HS3ST4: variants seen among roughly 807,000 people sequenced by gnomAD.
HS3ST4 encodes the protein heparan sulfate glucosamine 3-O-sulfotransferase 4.
HS3ST4 carries 17 observed loss-of-function variants against 29.2 expected under a neutral mutation model. The ratio of observed to expected loss-of-function variants is 0.58; its 90% CI spans 0.40 to 0.87. HS3ST4 has a LOEUF of 0.87. Among genes scored for constraint, HS3ST4 ranks in the 40% least tolerant of loss-of-function variants. The pLI, the probability that HS3ST4 is intolerant of heterozygous loss-of-function variation, is 0.00. For missense variants in HS3ST4, 627 were observed against 634.5 expected (o/e 0.99, Z 0.13); for synonymous variants, 314 against 285.7 (o/e 1.10, Z -1.00).
chr16:25,994,331 AT>A (rs1969140882), intron 1 of HS3ST4, among the ~76,000 whole-genome samples: 1 of 151,816 alleles, frequency 6.6e-6, no homozygotes, highest in African/African-American at 2.4e-5. Context: ...CTTGTTTGGT[AT>A]TTTTAATCCT....
chr16:25,734,422 G>C (rs770660236), intron 1 of HS3ST4, among the ~76,000 whole-genome samples: 1 of 152,136 alleles, frequency 6.6e-6, no homozygotes, highest in African/African-American at 2.4e-5. Flanking sequence ...GAGGCATTGC[G>C]TGAATGTGAG....
chr16:26,051,786 T>C (rs1050871422), intron 1 of HS3ST4, among the ~76,000 whole-genome samples: 1 of 151,218 alleles, frequency 6.6e-6, no homozygotes, highest in Non-Finnish European at 1.5e-5. Flanking sequence ...CTTTCTTTCT[T>C]TCTCTCTTTC....
intron 1 of HS3ST4, among the ~76,000 whole-genome samples, chr16:26,028,001 C>T (rs1050261995): frequency 6.6e-6 from 1 of 151,974 alleles, no homozygotes; most frequent in African/African-American, 2.4e-5. Flanking sequence ...GGGCTGGGAG[C>T]GGGGCTCATG....
At chr16:26,033,578 C>G (rs998097421) in intron 1 of HS3ST4, among the ~76,000 whole-genome samples, 4 of 151,436 alleles carry the variant, frequency 2.6e-5, no homozygotes, top group African/African-American at 9.7e-5. Flanking sequence ...TATATATTAG[C>G]TGGGTGTGAT....
intron 1 of HS3ST4, among the ~76,000 whole-genome samples, chr16:25,907,232 G>T (rs138679618): frequency 0.011 from 1,620 of 152,130 alleles, 17 homozygotes; most frequent in Middle Eastern, 0.02. Context: ...AGATACTTTG[G>T]CAGGTGAGAG....
chr16:25,844,824 G>A (rs1967448132), intron 1 of HS3ST4, among the ~76,000 whole-genome samples: 1 of 152,134 alleles, frequency 6.6e-6, no homozygotes, highest in South Asian at 2.1e-4. Context: ...ATGATAAACT[G>A]GATAAAGAAA....
chr16:25,795,710 T>G (rs1966882688), intron 1 of HS3ST4, among the ~76,000 whole-genome samples: 1 of 152,156 alleles, frequency 6.6e-6, no homozygotes, highest in Admixed American at 6.5e-5. Flanking sequence ...GGTTCGACCT[T>G]TTCTGTGGCA....
intron 1 of HS3ST4, among the ~76,000 whole-genome samples, chr16:25,957,318 A>G (rs1037608198): frequency 2.6e-5 from 4 of 152,248 alleles, no homozygotes; most frequent in African/African-American, 4.8e-5. Context: ...AAATAGTTGC[A>G]TGTGATTCAG....
At chr16:25,931,734 T>A (rs1968466028) in intron 1 of HS3ST4, among the ~76,000 whole-genome samples, 2 of 151,960 alleles carry the variant, frequency 1.3e-5, no homozygotes. Flanking sequence ...AGAAAGGGAG[T>A]CTGTTATTAA....
At chr16:25,726,443 C>CACACACACACAT (rs368109024) in intron 1 of HS3ST4, among the ~76,000 whole-genome samples, 1 of 151,840 alleles carries the variant, frequency 6.6e-6, no homozygotes, top group East Asian at 1.9e-4. Context: ...GGGTATGAAA[C>CACACACACACAT]ACACACACAC....
intron 1 of HS3ST4, among the ~76,000 whole-genome samples, chr16:26,045,705 C>T (rs139686451): frequency 6.6e-5 from 10 of 152,318 alleles, no homozygotes; most frequent in Non-Finnish European, 1.2e-4. Flanking sequence ...TTTAGAACAA[C>T]TATTGTTCAC....
At chr16:26,064,715 T>G (rs1270215531) in intron 1 of HS3ST4, among the ~76,000 whole-genome samples, 2 of 151,226 alleles carry the variant, frequency 1.3e-5, no homozygotes, top group African/African-American at 2.4e-5. Context: ...CTTCCCAGGT[T>G]CAAGTGATTC....
intron 1 of HS3ST4, among the ~76,000 whole-genome samples, chr16:26,000,311 A>G (rs1307833889): frequency 2.0e-5 from 3 of 152,118 alleles, no homozygotes; most frequent in South Asian, 2.1e-4. Flanking sequence ...AGATTTTTCC[A>G]CATTCTCAAA....
intron 1 of HS3ST4, among the ~76,000 whole-genome samples, chr16:26,081,195 A>G (rs4787347): frequency 0.59 from 88,751 of 151,498 alleles, 26,622 homozygotes; most frequent in Middle Eastern, 0.69. Flanking sequence ...GCTGAGGCAG[A>G]AGAATCACTT....
chr16:26,068,416 A>G (rs1439083018), intron 1 of HS3ST4, among the ~76,000 whole-genome samples: 1 of 152,208 alleles, frequency 6.6e-6, no homozygotes, highest in African/African-American at 2.4e-5. Flanking sequence ...AATAAAATAG[A>G]GTAATATTCT....
At chr16:25,997,436 G>A (rs1969167331) in intron 1 of HS3ST4, among the ~76,000 whole-genome samples, 1 of 152,176 alleles carries the variant, frequency 6.6e-6, no homozygotes, top group African/African-American at 2.4e-5. Flanking sequence ...GAACTCAAAT[G>A]AGTTAAAGAG....
intron 1 of HS3ST4, among the ~76,000 whole-genome samples, chr16:25,930,953 T>A (rs975468696): frequency 2.4e-4 from 37 of 152,192 alleles, no homozygotes; most frequent in African/African-American, 8.2e-4. Flanking sequence ...TTTGTGTTTT[T>A]TATAGAGACG....
chr16:25,828,290 T>TTCCC (rs1967250788), intron 1 of HS3ST4, among the ~76,000 whole-genome samples: 9 of 69,506 alleles, frequency 1.3e-4, no homozygotes, highest in East Asian at 3.5e-4. Context: ...CTTTCTTTCT[T>TTCCC]TCTTTCTTTC....
intron 1 of HS3ST4, among the ~76,000 whole-genome samples, chr16:25,725,767 TATAC>T (rs1966530998): frequency 1.3e-5 from 2 of 150,504 alleles, no homozygotes; most frequent in Admixed American, 6.6e-5. Flanking sequence ...TGAATATAAA[TATAC>T]ATATATACAT....
Sources: allele counts gnomAD v4.1 joint callset (sites outside exome capture counted in the v4.1 genomes callset), GRCh38; gene constraint gnomAD v4.1.1; transcripts MANE v1.5; gene names NCBI Gene and HGNC (gene_info 2026-07-23, HGNC 2026-07-21).